Variants in DLGAP2 observed in about 807,000 individuals in gnomAD.
The protein encoded by DLGAP2 is DLG associated protein 2.
Under a neutral mutation model 100.3 loss-of-function variants are expected in DLGAP2, and 26 were observed. The observed-to-expected ratio is 0.26, with a 90% CI of 0.19 to 0.36. The LOEUF (loss-of-function observed/expected upper bound fraction) is 0.36, where lower values mean the gene tolerates loss of function less well. Among genes scored for constraint, DLGAP2 ranks in the 10% least tolerant of loss-of-function variants. The pLI, the probability that DLGAP2 is intolerant of heterozygous loss-of-function variation, is 1.00. For synonymous variants in DLGAP2, 886 were observed against 630.1 expected (o/e 1.41, Z -6.08); for missense variants, 1,858 against 1,453.2 (o/e 1.28, Z -4.53).
chr8:1,170,388 C>T (rs1393889807), intron 2 of DLGAP2, among the ~76,000 whole-genome samples: 1 of 152,092 alleles, frequency 6.6e-6, no homozygotes, highest in African/African-American at 2.4e-5. Flanking sequence ...CAGGATGATG[C>T]TGGCCTCATA....
intron 8 of DLGAP2, among the ~76,000 whole-genome samples, chr8:1,638,671 G>C (rs1312601215): frequency 6.6e-6 from 1 of 152,134 alleles, no homozygotes; most frequent in African/African-American, 2.4e-5. Flanking sequence ...GCTGAGCTCT[G>C]GGGAGCCGTG....
chr8:1,245,310 T>A (rs560263708), intron 2 of DLGAP2, among the ~76,000 whole-genome samples: 47 of 152,338 alleles, frequency 3.1e-4, no homozygotes, highest in African/African-American at 1.1e-3. Flanking sequence ...AGAGGCATTA[T>A]TCATGATACT....
chr8:1,018,590 C>G (rs1801539501), intron 2 of DLGAP2, among the ~76,000 whole-genome samples: 1 of 152,200 alleles, frequency 6.6e-6, no homozygotes, highest in African/African-American at 2.4e-5. Context: ...GCACACATTG[C>G]TCTTGGCAGA....
At chr8:1,220,897 T>C (rs1184673965) in intron 2 of DLGAP2, among the ~76,000 whole-genome samples, 1 of 152,222 alleles carries the variant, frequency 6.6e-6, no homozygotes, top group African/African-American at 2.4e-5. Flanking sequence ...TTAAAGTCTT[T>C]TTTTCTGAAA....
intron 2 of DLGAP2, among the ~76,000 whole-genome samples, chr8:1,020,067 A>T (rs541811305): frequency 6.6e-6 from 1 of 152,256 alleles, no homozygotes; most frequent in Non-Finnish European, 1.5e-5. Context: ...TTAAAATTTG[A>T]TGGCCATTAA....
chr8:1,626,918 G>T, intron 7 of DLGAP2, 31 bp downstream of exon 7: 1 of 1,563,274 alleles, frequency 6.4e-7, no homozygotes, highest in Non-Finnish European at 8.7e-7. Flanking sequence ...TCTCCCTGGG[G>T]TCCAGTCTCC....
chr8:926,255 CT>C (rs949563628), intron 2 of DLGAP2, among the ~76,000 whole-genome samples: 17 of 152,276 alleles, frequency 1.1e-4, no homozygotes, highest in African/African-American at 4.1e-4. Context: ...GCCCAGAGCC[CT>C]GGGACCATTC....
chr8:1,088,266 T>C (rs1004597378), intron 2 of DLGAP2, among the ~76,000 whole-genome samples: 2 of 152,160 alleles, frequency 1.3e-5, no homozygotes, highest in Non-Finnish European at 2.9e-5. Flanking sequence ...TAATGGACTT[T>C]AGAGCTACCA....
At chr8:1,287,451 G>T (rs1371873090) in intron 3 of DLGAP2, among the ~76,000 whole-genome samples, 1 of 130,022 alleles carries the variant, frequency 7.7e-6, no homozygotes, top group East Asian at 2.4e-4. Context: ...TTGTTAGGAG[G>T]GGAACTAGTT....
intron 1 of DLGAP2, among the ~76,000 whole-genome samples, chr8:886,017 A>C (rs1243991213): frequency 6.6e-6 from 1 of 152,156 alleles, no homozygotes; most frequent in Non-Finnish European, 1.5e-5. Flanking sequence ...TCAGCTGTGA[A>C]TCCGTCTGGT....
At chr8:1,643,275 C>T (rs1254835726) in intron 8 of DLGAP2, among the ~76,000 whole-genome samples, 4 of 16,486 alleles carry the variant, frequency 2.4e-4, no homozygotes, top group Non-Finnish European at 4.0e-4. Flanking sequence ...CCCTCGACCC[C>T]GCCGGTCCTC....
intron 3 of DLGAP2, among the ~76,000 whole-genome samples, chr8:1,329,902 C>T (rs1260122444): frequency 1.3e-5 from 2 of 152,242 alleles, no homozygotes; most frequent in Non-Finnish European, 2.9e-5. Context: ...CAACTCATTG[C>T]TGCAAGCTGC....
chr8:1,151,980 GAGT>G, intron 2 of DLGAP2, among the ~76,000 whole-genome samples: 1 of 152,294 alleles, frequency 6.6e-6, no homozygotes, highest in Non-Finnish European at 1.5e-5. Context: ...AGACACCTGC[GAGT>G]AGTTTTCTCA....
rs1799498054 is a variant in DLGAP2 at position 952,206 on chromosome 8, C to A, written c.73+44240C>A. Among the ~76,000 whole-genome samples the A allele has an allele frequency of 1.3e-5, 2 of 152,196 alleles. 1 individual carries two copies. Among genetic ancestry groups the A allele is most frequent in the South Asian group, 4.1e-4 (2 of 4,832 alleles). Reference sequence around the variant, plus strand: ...TTTGCAGAGCTGAAAGGATGTGCCTCCTTGTGACCCCATATTTCCCAGTAC... The same window carrying A: ...TTTGCAGAGCTGAAAGGATGTGCCTACTTGTGACCCCATATTTCCCAGTAC... On this transcript the variant is annotated intron_variant, in intron 2 of 14. Coordinates refer to ENST00000637795, the MANE Select transcript of DLGAP2 (RefSeq NM_001346810.2).
chr8:1,655,597 A>AT (rs1312799476), intron 8 of DLGAP2, among the ~76,000 whole-genome samples: 1 of 145,178 alleles, frequency 6.9e-6, no homozygotes, highest in Non-Finnish European at 1.5e-5. Context: ...TAGAAGGATA[A>AT]TTAAACATGT....
chr8:1,414,769 G>C (rs1315237134), intron 3 of DLGAP2, among the ~76,000 whole-genome samples: 2 of 152,196 alleles, frequency 1.3e-5, no homozygotes, highest in African/African-American at 4.8e-5. Flanking sequence ...AACACTTTCG[G>C]AGGCCAAGGT....
intron 2 of DLGAP2, among the ~76,000 whole-genome samples, chr8:976,794 A>G (rs1362037280): frequency 6.6e-6 from 1 of 152,216 alleles, no homozygotes; most frequent in African/African-American, 2.4e-5. Context: ...ATAACTGAAA[A>G]TAGATTTTAG....
chr8:837,601 G>T (rs749275599), intron 1 of DLGAP2, among the ~76,000 whole-genome samples: 20 of 151,716 alleles, frequency 1.3e-4, no homozygotes, highest in Non-Finnish European at 2.8e-4. Context: ...GCGGTCTCTG[G>T]TCCATCCTGG....
chr8:778,942 C>G (rs55747715), intron 1 of DLGAP2, among the ~76,000 whole-genome samples: 31,961 of 152,192 alleles, frequency 0.21, 4,314 homozygotes, highest in Non-Finnish European at 0.3. Flanking sequence ...CCCCCAGCCT[C>G]GCTGCCACCT....
Sources: gnomAD v4.1 joint callset for allele counts (sites outside exome capture counted in the v4.1 genomes callset) on GRCh38, gnomAD v4.1.1 for gene constraint, MANE v1.5 for transcripts, NCBI Gene and HGNC (gene_info 2026-07-23, HGNC 2026-07-21) for gene names.